The following GRIA4 variants were observed in gnomAD, a reference collection of about 807,000 sequenced individuals.
The protein encoded by GRIA4 is glutamate receptor 4.
A neutral mutation model predicts 104.0 loss-of-function variants in GRIA4; 34 were observed. The observed-to-expected ratio is 0.33, with a 90% confidence interval of 0.25 to 0.44. The LOEUF (loss-of-function observed/expected upper bound fraction) is 0.44. GRIA4 is among the 20% of genes least tolerant of loss of function. The probability of loss-of-function intolerance (pLI) is 1.00; values close to 1 mark genes in which losing one functional copy is unlikely to be tolerated. For synonymous variants in GRIA4, 386 were observed against 381.9 expected (o/e 1.01, Z -0.13); for missense variants, 750 against 1,096.5 (o/e 0.68, Z 4.46).
chr11:105,721,278 T>C (rs1057146348), intron 3 of GRIA4, among the ~76,000 whole-genome samples: 2 of 152,172 alleles, frequency 1.3e-5, no homozygotes, highest in Non-Finnish European at 2.9e-5. Flanking sequence ...TTTTCTGTTA[T>C]TGGCTTAAGT....
At chr11:105,797,929 C>T (rs1942555328) in intron 4 of GRIA4, 2 of 398,340 alleles carry the variant, frequency 5.0e-6, no homozygotes, top group African/African-American at 4.2e-5. Flanking sequence ...TTGGAATGAG[C>T]TGATGCCAAG....
chr11:105,969,426 T>C (rs1858564617), intron 14 of GRIA4, among the ~76,000 whole-genome samples: 1 of 152,238 alleles, frequency 6.6e-6, no homozygotes, highest in Middle Eastern at 3.4e-3. Flanking sequence ...ATATCTTATA[T>C]TCAAAGTGTT....
chr11:105,686,846 AT>A lies in GRIA4; in HGVS notation c.248-66134del, dbSNP rs1952898572. 2.0e-5 allele frequency among the ~76,000 whole-genome samples: 3 copies of A among 151,968 alleles called. No homozygotes were observed. The South Asian group carries it at 6.2e-4, about 31-fold the overall frequency. ...ATTAGTGAATGTGTAATATTTTTTC[AT>A]GTTTGTTGGCTGCCATTTTGTCATC... On this transcript the variant is annotated intron_variant, in intron 3 of 16. Coordinates refer to ENST00000282499, the MANE Select transcript of GRIA4 (RefSeq NM_000829.4).
chr11:105,726,652 G>A (rs1938229106), intron 3 of GRIA4, among the ~76,000 whole-genome samples: 1 of 152,054 alleles, frequency 6.6e-6, no homozygotes, highest in Admixed American at 6.5e-5. Context: ...GCATCTGGTG[G>A]GTCCCCCTCT....
chr11:105,854,802 T>C (rs761683409), intron 4 of GRIA4, among the ~76,000 whole-genome samples: 17 of 152,170 alleles, frequency 1.1e-4, no homozygotes, highest in Non-Finnish European at 2.1e-4. Flanking sequence ...TTCATCGCTC[T>C]CTCTGCATGC....
intron 3 of GRIA4, among the ~76,000 whole-genome samples, chr11:105,705,608 CGA>C (rs149688597): frequency 9.4e-5 from 14 of 148,794 alleles, no homozygotes; most frequent in Admixed American, 1.3e-4. Context: ...CCTGAACTGA[CGA>C]GAGAGAGAGA....
chr11:105,708,190 T>C (rs1175334503), intron 3 of GRIA4, among the ~76,000 whole-genome samples: 1 of 152,128 alleles, frequency 6.6e-6, no homozygotes, highest in Non-Finnish European at 1.5e-5. Flanking sequence ...AGAAAAAATT[T>C]TAAAGGAGTA....
chr11:105,692,955 A>C (rs1953142384), intron 3 of GRIA4, among the ~76,000 whole-genome samples: 1 of 152,198 alleles, frequency 6.6e-6, no homozygotes, highest in African/African-American at 2.4e-5. Context: ...AGAAAAAAAC[A>C]CACACGCTAG....
At chr11:105,885,752 G>C (rs148694934) in intron 5 of GRIA4, among the ~76,000 whole-genome samples, 1 of 152,332 alleles carries the variant, frequency 6.6e-6, no homozygotes, top group East Asian at 1.9e-4. Context: ...AGAATCTGTC[G>C]TCACAGCCTT....
chr11:105,638,506 A>T lies in GRIA4; in HGVS notation c.247+26072A>T, dbSNP rs142361618. Among the ~76,000 whole-genome samples, 7 of 151,302 alleles carry T rather than the reference A, an allele frequency of 4.6e-5. No homozygotes were observed. In the East Asian group the frequency reaches 1.4e-3, roughly 30 times the overall value. ...ATGTTTTCAAATACAGATTTTTCTC[A>T]TCTGGAATCTGTGCCTTACGAGGTG... On this transcript the variant is annotated intron_variant, in intron 3 of 16. Coordinates refer to ENST00000282499, the MANE Select transcript of GRIA4 (RefSeq NM_000829.4).
intron 14 of GRIA4, among the ~76,000 whole-genome samples, chr11:105,957,463 G>T (rs1289542258): frequency 3.3e-5 from 5 of 152,060 alleles, no homozygotes; most frequent in Non-Finnish European, 5.9e-5. Context: ...CTGTTCCATT[G>T]GTCTATATCT....
At chr11:105,915,506 A>G (rs1052306932) in intron 10 of GRIA4, among the ~76,000 whole-genome samples, 4 of 152,226 alleles carry the variant, frequency 2.6e-5, no homozygotes, top group Admixed American at 6.5e-5. Context: ...ACTTTCCTTT[A>G]GAAAACCTGA....
At chr11:105,621,495 T>C (rs1950744480) in intron 3 of GRIA4, among the ~76,000 whole-genome samples, 1 of 151,648 alleles carries the variant, frequency 6.6e-6, no homozygotes, top group South Asian at 2.1e-4. Context: ...AGCTATATCT[T>C]ATTAATGGTT....
chr11:105,669,554 C>A (rs571534330), intron 3 of GRIA4, among the ~76,000 whole-genome samples: 7 of 152,194 alleles, frequency 4.6e-5, no homozygotes, highest in African/African-American at 1.4e-4. Flanking sequence ...TTTTCAAAAT[C>A]CACCTCATTT....
chr11:105,887,654 CAATA>C (rs1946314429), intron 6 of GRIA4, 82 bp downstream of exon 6: 9 of 728,450 alleles, frequency 1.2e-5, no homozygotes, highest in East Asian at 5.2e-5. Flanking sequence ...AATAATGCTT[CAATA>C]AATAGAGTAC....
chr11:105,911,148 T>A (rs1185431889), intron 10 of GRIA4, among the ~76,000 whole-genome samples: 1 of 152,094 alleles, frequency 6.6e-6, no homozygotes, highest in Non-Finnish European at 1.5e-5. Flanking sequence ...TTTTTCTCAT[T>A]AACCAGTGAG....
chr11:105,963,055 A>C (rs1350852827), intron 14 of GRIA4, among the ~76,000 whole-genome samples: 1 of 152,114 alleles, frequency 6.6e-6, no homozygotes, highest in Non-Finnish European at 1.5e-5. Flanking sequence ...GATTTCAAAA[A>C]AATAATAAAA....
chr11:105,749,596 T>C (rs2135683014), intron 3 of GRIA4, among the ~76,000 whole-genome samples: 1 of 152,320 alleles, frequency 6.6e-6, no homozygotes, highest in South Asian at 2.1e-4. Context: ...GATTTGTATG[T>C]GATATAGAAC....
chr11:105,626,812 G>A (rs1950897980), intron 3 of GRIA4, among the ~76,000 whole-genome samples: 1 of 152,090 alleles, frequency 6.6e-6, no homozygotes, highest in Non-Finnish European at 1.5e-5. Flanking sequence ...TCTTACAGAA[G>A]GGGCAGGGTC....
Sources: gnomAD v4.1 joint callset for allele counts (sites outside exome capture counted in the v4.1 genomes callset) on GRCh38, gnomAD v4.1.1 for gene constraint, MANE v1.5 for transcripts, NCBI Gene and HGNC (gene_info 2026-07-23, HGNC 2026-07-21) for gene names.